COL25A1: variants seen among roughly 807,000 people sequenced by gnomAD.
COL25A1 encodes the protein collagen alpha-1(XXV) chain.
In COL25A1, 103 loss-of-function variants were observed where a neutral mutation model predicts 128.4. The observed-to-expected ratio is 0.80, with a 90% CI of 0.68 to 0.94. The LOEUF (loss-of-function observed/expected upper bound fraction) is 0.94. Ranked by LOEUF, COL25A1 falls within the 40% of genes least tolerant of loss-of-function variation. The probability of loss-of-function intolerance (pLI) is 0.00; values close to 1 mark genes in which losing one functional copy is unlikely to be tolerated. For missense variants in COL25A1, 745 were observed against 840.0 expected, an observed-to-expected ratio of 0.89 and a Z score of 1.40; for synonymous variants, 279 against 277.2, an observed-to-expected ratio of 1.01 and a Z score of -0.06.
chr4:109,238,574 C>T (rs1242294963), intron 3 of COL25A1, among the ~76,000 whole-genome samples: 1 of 151,958 alleles, frequency 6.6e-6, no homozygotes, highest in Non-Finnish European at 1.5e-5. Flanking sequence ...CATTTTGGAG[C>T]TTTGATCTCA....
intron 6 of COL25A1, among the ~76,000 whole-genome samples, chr4:109,005,732 A>AT: frequency 6.6e-6 from 1 of 152,138 alleles, no homozygotes; most frequent in Non-Finnish European, 1.5e-5. Context: ...CTAAGGGAGA[A>AT]TTTGTTTGTA....
intron 8 of COL25A1, among the ~76,000 whole-genome samples, chr4:108,957,113 G>GT (rs1182338962): frequency 7.9e-5 from 12 of 152,118 alleles, no homozygotes; most frequent in Non-Finnish European, 4.4e-5. Context: ...ACACAGGTAG[G>GT]TTTTATCCCA....
intron 3 of COL25A1, among the ~76,000 whole-genome samples, chr4:109,285,738 A>T (rs1183546954): frequency 6.6e-6 from 1 of 152,228 alleles, no homozygotes; most frequent in Non-Finnish European, 1.5e-5. Flanking sequence ...CAAAGCTAAT[A>T]AACACTCAAA....
At chr4:109,039,573 C>G (rs902199987) in intron 5 of COL25A1, among the ~76,000 whole-genome samples, 1 of 152,190 alleles carries the variant, frequency 6.6e-6, no homozygotes, top group African/African-American at 2.4e-5. Flanking sequence ...ATATTCTCTA[C>G]TGTCCTCCCA....
chr4:109,277,803 T>C (rs533649070), intron 3 of COL25A1, among the ~76,000 whole-genome samples: 1 of 152,330 alleles, frequency 6.6e-6, no homozygotes, highest in African/African-American at 2.4e-5. Context: ...ATGACTTGCA[T>C]GTAAATATAA....
chr4:108,837,834 T>C (rs1733989745), intron 31 of COL25A1, among the ~76,000 whole-genome samples: 1 of 152,210 alleles, frequency 6.6e-6, no homozygotes, highest in Non-Finnish European at 1.5e-5. Flanking sequence ...GGAAGAGGAA[T>C]TGTCAGCCCT....
chr4:109,069,588 A>G (rs1457256853), intron 3 of COL25A1, among the ~76,000 whole-genome samples: 1 of 152,216 alleles, frequency 6.6e-6, no homozygotes, highest in Non-Finnish European at 1.5e-5. Flanking sequence ...AGCCAGTCCC[A>G]GCAGTGTAAG....
intron 20 of COL25A1, 84 bp from the exon 21 acceptor site, chr4:108,863,471 C>T (rs1282006603): frequency 2.0e-5 from 22 of 1,074,788 alleles, no homozygotes; most frequent in Non-Finnish European, 3.0e-5. Context: ...TTGAAGGAAA[C>T]CAAAGAAAGC....
intron 3 of COL25A1, among the ~76,000 whole-genome samples, chr4:109,263,732 C>T (rs938783722): frequency 2.6e-5 from 4 of 152,216 alleles, no homozygotes; most frequent in African/African-American, 4.8e-5. Flanking sequence ...TCACTGAGCA[C>T]TGGGCCCTCT....
chr4:108,917,842 A>C (rs931900504), intron 13 of COL25A1, among the ~76,000 whole-genome samples: 6 of 152,306 alleles, frequency 3.9e-5, no homozygotes, highest in Non-Finnish European at 7.4e-5. Flanking sequence ...ACTAAAGTGC[A>C]TTTTGTTTAT....
chr4:109,158,588 C>T (rs577345149), intron 3 of COL25A1, among the ~76,000 whole-genome samples: 1 of 152,210 alleles, frequency 6.6e-6, no homozygotes, highest in South Asian at 2.1e-4. Flanking sequence ...AAGACTAAGT[C>T]GTGGCCCTGC....
intron 8 of COL25A1, 52 bp downstream of exon 8, chr4:108,974,315 A>C: frequency 1.3e-6 from 2 of 1,595,232 alleles, no homozygotes; most frequent in Non-Finnish European, 1.7e-6. Flanking sequence ...CATTCAATAA[A>C]CTTGGAGTTA....
intron 6 of COL25A1, among the ~76,000 whole-genome samples, chr4:108,975,737 G>A (rs1752368862): frequency 6.6e-6 from 1 of 151,998 alleles, no homozygotes; most frequent in African/African-American, 2.4e-5. Context: ...TCATGTTTTA[G>A]TATGTATTTA....
At chr4:108,891,136 T>A (rs1213781253) in intron 16 of COL25A1, among the ~76,000 whole-genome samples, 5 of 152,188 alleles carry the variant, frequency 3.3e-5, no homozygotes, top group African/African-American at 1.2e-4. Context: ...GGTGAACGAA[T>A]GAACAGATCT....
intron 3 of COL25A1, among the ~76,000 whole-genome samples, chr4:109,091,039 T>C (rs752353627): frequency 6.6e-6 from 1 of 152,122 alleles, no homozygotes; most frequent in African/African-American, 2.4e-5. Flanking sequence ...AAAACACAAA[T>C]TTGGCAACAT....
intron 3 of COL25A1, among the ~76,000 whole-genome samples, chr4:109,055,616 C>T (rs989356886): frequency 1.3e-5 from 2 of 152,108 alleles, no homozygotes; most frequent in Admixed American, 6.6e-5. Flanking sequence ...TTGTATTTTT[C>T]GAACATCGCT....
At chr4:109,269,088 C>A (rs1781999828) in intron 3 of COL25A1, among the ~76,000 whole-genome samples, 1 of 119,436 alleles carries the variant, frequency 8.4e-6, no homozygotes, top group South Asian at 3.1e-4. Flanking sequence ...CCCCCTCCCC[C>A]CACCCCACAA....
intron 37 of COL25A1, among the ~76,000 whole-genome samples, chr4:108,815,726 A>G (rs1032252423): frequency 1.3e-5 from 2 of 152,144 alleles, no homozygotes; most frequent in African/African-American, 4.8e-5. Context: ...CATTTCATGA[A>G]CCAAAAAGAT....
chr4:108,951,511 G>A (rs147366220), intron 8 of COL25A1, among the ~76,000 whole-genome samples: 3,417 of 151,094 alleles, frequency 0.023, 112 homozygotes, highest in African/African-American at 0.078. Context: ...TCAGCCTCCC[G>A]AATAGCTGAG....
Sources: allele counts gnomAD v4.1 joint callset (sites outside exome capture counted in the v4.1 genomes callset), GRCh38; gene constraint gnomAD v4.1.1; transcripts MANE v1.5; gene names NCBI Gene and HGNC (gene_info 2026-07-23, HGNC 2026-07-21).